The following EPB41L5 variants were observed in gnomAD, a reference collection of about 807,000 sequenced individuals.
EPB41L5 encodes the protein band 4.1-like protein 5.
Under a neutral mutation model 106.6 loss-of-function variants are expected in EPB41L5, and 55 were observed. That is an observed-to-expected ratio of 0.52 (90% CI 0.42 to 0.65). The LOEUF (loss-of-function observed/expected upper bound fraction) is 0.65, where lower values mean the gene tolerates loss of function less well. Among genes scored for constraint, EPB41L5 ranks in the 30% least tolerant of loss-of-function variants. EPB41L5 has a pLI of 0.00. For missense variants in EPB41L5, 871 were observed against 882.1 expected (o/e 0.99, Z 0.16); for synonymous variants, 297 against 306.7 (o/e 0.97, Z 0.33).
chr2:120,055,005 T>C (rs1680549327), intron 3 of EPB41L5, among the ~76,000 whole-genome samples: 1 of 151,824 alleles, frequency 6.6e-6, no homozygotes, highest in South Asian at 2.1e-4. Context: ...CAGCTGGGAC[T>C]ACAGGCATGC....
intron 12 of EPB41L5, among the ~76,000 whole-genome samples, chr2:120,090,801 T>C (rs1288132667): frequency 6.6e-6 from 1 of 152,202 alleles, no homozygotes; most frequent in Non-Finnish European, 1.5e-5. Context: ...AAGAGTTTTA[T>C]GGACTCTCCA....
At chr2:120,106,403 T>G in intron 16 of EPB41L5, 1 of 985,300 alleles carries the variant, frequency 1.0e-6, no homozygotes, top group Non-Finnish European at 1.2e-6. Context: ...ATATATGTTG[T>G]TTCCAGAGCT....
chr2:120,099,194 G>T lies in EPB41L5; in HGVS notation c.1179-1050G>T, dbSNP rs544531253. The stretch of plus-strand genomic sequence containing the variant: ...TATTTTTGAATTATTTTTTACATTA[G>T]TTGAATTTCTTACTTCAGGGATACC... On this transcript the variant is annotated intron_variant, in intron 14 of 24. Coordinates refer to ENST00000263713, the MANE Select transcript of EPB41L5 (RefSeq NM_020909.4). Among the ~76,000 whole-genome samples the T allele has an allele frequency of 2.0e-5, 3 of 152,126 alleles. No homozygotes were observed. In the South Asian group the frequency reaches 6.2e-4, roughly 32 times the overall value.
At position 120,167,658 on chromosome 2, in the gene EPB41L5, G is replaced by A. The variant is rs1574795049; in HGVS notation, c.2004+151G>A. 5 of 1,012,492 alleles carry A rather than the reference G, an allele frequency of 4.9e-6. No individual in the cohort carries two copies. In the East Asian group the frequency reaches 9.9e-5, roughly 20 times the overall value. 62.7% of individuals were successfully genotyped at this position (1,012,492 alleles called of 1,614,324 possible). Reference sequence around the variant, plus strand: ...TTAACTTAATGGCTTCAAGCTAGTGGCTTACCCTTTCTGGTTGTAAATGTT... The same window carrying A: ...TTAACTTAATGGCTTCAAGCTAGTGACTTACCCTTTCTGGTTGTAAATGTT... On this transcript the variant is annotated intron_variant, in intron 23 of 24. Transcript: ENST00000263713.
In EPB41L5 at chr2:120,105,774, C is replaced by G. The variant is rs910193174; in HGVS notation, c.1337+4960C>G. 4.1e-6 allele frequency: 4 copies of G among 985,138 alleles called. No homozygotes were observed. In the African/African-American group the frequency reaches 7.0e-5, roughly 17 times the overall value. The allele number at this position is 985,138 out of a possible 1,614,324, so 61.0% of individuals were successfully genotyped here. The stretch of plus-strand genomic sequence containing the variant: ...GCCCTTATAGTTGTTTTAGACTTTA[C>G]ATAGCTCAGATGATAATTGCTAAGT... On this transcript the variant is annotated intron_variant, in intron 16 of 24. Coordinates refer to ENST00000263713, the MANE Select transcript of EPB41L5 (RefSeq NM_020909.4).
chr2:120,076,832 T>C (rs1682277726), intron 7 of EPB41L5, 139 bp from the exon 8 acceptor site: 1 of 704,562 alleles, frequency 1.4e-6, no homozygotes, highest in Non-Finnish European at 2.2e-6. Flanking sequence ...AGATTTACTT[T>C]TGGAGACTTG....
chr2:120,164,176 G>C (rs1384407264), intron 21 of EPB41L5, among the ~76,000 whole-genome samples: 1 of 151,552 alleles, frequency 6.6e-6, no homozygotes, highest in African/African-American at 2.4e-5. Context: ...TAGAGACGGA[G>C]TTTCACCGTG....
intron 2 of EPB41L5, among the ~76,000 whole-genome samples, chr2:120,040,826 C>T (rs1679358386): frequency 6.6e-6 from 1 of 152,004 alleles, no homozygotes. Context: ...TCTAAAAAAG[C>T]AAAGGACAAG....
chr2:120,075,656 G>C (rs374875952), intron 6 of EPB41L5, 45 bp from the exon 7 acceptor site: 2 of 1,519,868 alleles, frequency 1.3e-6, no homozygotes, highest in Non-Finnish European at 1.8e-6. Flanking sequence ...TTAAAATGAA[G>C]GTTATGAAAT....
chr2:120,150,369 T>A (rs1686618100), intron 20 of EPB41L5, among the ~76,000 whole-genome samples: 1 of 152,152 alleles, frequency 6.6e-6, no homozygotes, highest in African/African-American at 2.4e-5. Context: ...TCACCCAGGC[T>A]GGAATGCAGT....
intron 16 of EPB41L5, among the ~76,000 whole-genome samples, chr2:120,107,126 T>G (rs1684500002): frequency 6.6e-6 from 1 of 152,118 alleles, no homozygotes; most frequent in Non-Finnish European, 1.5e-5. Context: ...ATCGCCAGGT[T>G]GGATCTTTTT....
At chr2:120,055,806 A>G (rs1311502425) in intron 3 of EPB41L5, among the ~76,000 whole-genome samples, 1 of 151,994 alleles carries the variant, frequency 6.6e-6, no homozygotes, top group Non-Finnish European at 1.5e-5. Flanking sequence ...TTTATTTTGT[A>G]TCCTGTAGTC....
intron 24 of EPB41L5, among the ~76,000 whole-genome samples, chr2:120,169,675 T>C (rs576151839): frequency 6.6e-6 from 1 of 152,266 alleles, no homozygotes; most frequent in East Asian, 1.9e-4. Context: ...AAGGACCCAC[T>C]CATATCTAGA....
intron 1 of EPB41L5, among the ~76,000 whole-genome samples, chr2:120,014,927 T>G (rs1574452753): frequency 6.8e-6 from 1 of 147,420 alleles, no homozygotes; most frequent in South Asian, 2.2e-4. Context: ...AGAGTGCAGG[T>G]GGGAGGGGAA....
chr2:120,035,926 G>T (rs752312437), intron 2 of EPB41L5, among the ~76,000 whole-genome samples: 19 of 152,112 alleles, frequency 1.2e-4, no homozygotes, highest in South Asian at 2.1e-4. Flanking sequence ...GTTGATACTG[G>T]AGTGTGTGTG....
chr2:120,030,888 T>A (rs1489478852), intron 2 of EPB41L5, among the ~76,000 whole-genome samples: 2 of 151,500 alleles, frequency 1.3e-5, no homozygotes, highest in African/African-American at 2.4e-5. Flanking sequence ...TTAATTAATT[T>A]ATTTAGAGAC....
At chr2:120,042,995 A>ATGTGTGTGTGTGTGTGTG (rs60253351) in intron 3 of EPB41L5, among the ~76,000 whole-genome samples, 1 of 70,030 alleles carries the variant, frequency 1.4e-5, no homozygotes, top group African/African-American at 3.6e-5. Context: ...TTTTCTGGAA[A>ATGTGTGTGTGTGTGTGTG]TGTGTGTGTG....
intron 11 of EPB41L5, among the ~76,000 whole-genome samples, chr2:120,088,686 T>A (rs1683224436): frequency 1.3e-5 from 2 of 152,114 alleles, no homozygotes; most frequent in South Asian, 4.1e-4. Flanking sequence ...CCAAAGTATT[T>A]AATACGAGTT....
At chr2:120,118,810 T>C (rs575794078) in intron 16 of EPB41L5, among the ~76,000 whole-genome samples, 6 of 152,346 alleles carry the variant, frequency 3.9e-5, no homozygotes, top group African/African-American at 1.4e-4. Context: ...TATGCATGCA[T>C]GTATTTCTAC....
Sources: gnomAD v4.1 joint callset for allele counts (sites outside exome capture counted in the v4.1 genomes callset) on GRCh38, gnomAD v4.1.1 for gene constraint, MANE v1.5 for transcripts, NCBI Gene and HGNC (gene_info 2026-07-23, HGNC 2026-07-21) for gene names.